Variants in ERGIC1 observed in about 807,000 individuals in gnomAD.
ERGIC1 encodes endoplasmic reticulum-Golgi intermediate compartment protein 1.
Under a neutral mutation model 38.3 loss-of-function variants are expected in ERGIC1, and 19 were observed. The observed-to-expected ratio is 0.50, with a 90% CI of 0.35 to 0.73. The LOEUF is 0.73. Ranked by LOEUF, ERGIC1 falls within the 30% of genes least tolerant of loss-of-function variation. The pLI, the probability that ERGIC1 is intolerant of heterozygous loss-of-function variation, is 0.01. For synonymous variants in ERGIC1, 124 were observed against 157.6 expected (o/e 0.79, Z 1.60); for missense variants, 294 against 389.2 (o/e 0.76, Z 2.06).
At chr5:172,835,884 A>G (rs1359323618) in intron 1 of ERGIC1, among the ~76,000 whole-genome samples, 1 of 152,208 alleles carries the variant, frequency 6.6e-6, no homozygotes, top group Non-Finnish European at 1.5e-5. Flanking sequence ...GGTGGAATTC[A>G]AGGTCAGTCC....
In ERGIC1 at chr5:172,952,224, T is replaced by C. The variant is rs1182351982; in HGVS notation, c.*1408T>C. 1 of 152,230 alleles carries C rather than the reference T, an allele frequency of 6.6e-6. No homozygotes were observed. The highest frequency in any genetic ancestry group is 2.4e-5 in the African/African-American group (1 of 41,466). 9.4% of individuals were successfully genotyped at this position (152,230 alleles called of 1,614,324 possible). ...GTGTCCAGTGGAAGGATTTTTAAAA[T>C]TATCTTATGGATAGCTCAAGTCTCT... On this transcript the variant is annotated 3_prime_UTR_variant, in exon 10 of 10. Transcript: ENST00000393784.
rs1398482784 is a variant in ERGIC1 at position 172,914,809 on chromosome 5, C to T, written c.346C>T (p.Arg116Cys). Residue 116 changes from arginine (R) to cysteine (C), a missense_variant, in exon 5 of 10, where the codon CGC becomes TGC. By Grantham distance (180) the Arg-to-Cys change is radical. This residue lies in a region of ERGIC1 where 163 missense variants were observed against 225.8 expected (regional missense o/e 0.72). Transcript: ENST00000393784. ...KIPLNNGAGC[R>C]FEGQFSINKV... ...CCCGCTGAACAATGGGGCAGGCTGC[C>T]GCTTCGAGGGGCAGTTCAGCATCAA... The T allele has an allele frequency of 6.2e-6, 10 of 1,614,082 alleles. No individual in the cohort carries two copies. The highest frequency in any genetic ancestry group is 5.5e-5 in the South Asian group (5 of 91,090).
intron 3 of ERGIC1, among the ~76,000 whole-genome samples, chr5:172,902,949 T>C (rs1762921780): frequency 6.6e-6 from 1 of 151,966 alleles, no homozygotes; most frequent in Non-Finnish European, 1.5e-5. Context: ...TTCAAGGCCC[T>C]CCACCACATT....
intron 5 of ERGIC1, chr5:172,917,596 A>G (rs1763402875): frequency 6.6e-6 from 1 of 152,148 alleles, no homozygotes; most frequent in African/African-American, 2.4e-5. Flanking sequence ...GAGGCTGTAG[A>G]TCCGTGTTCT....
intron 9 of ERGIC1, among the ~76,000 whole-genome samples, chr5:172,950,131 TG>T (rs1414555613): frequency 6.6e-6 from 1 of 152,242 alleles, no homozygotes; most frequent in African/African-American, 2.4e-5. Flanking sequence ...CTCTGTCCTT[TG>T]TAGCACTTGC....
chr5:172,866,455 G>C (rs143914049), intron 1 of ERGIC1, among the ~76,000 whole-genome samples: 2 of 152,186 alleles, frequency 1.3e-5, no homozygotes, highest in Non-Finnish European at 2.9e-5. Flanking sequence ...AGGGATTTGT[G>C]GGGGAGAAGG....
intron 1 of ERGIC1, among the ~76,000 whole-genome samples, chr5:172,841,544 C>A (rs1761161321): frequency 6.6e-6 from 1 of 152,172 alleles, no homozygotes; most frequent in South Asian, 2.1e-4. Flanking sequence ...AGGTGGAAAC[C>A]CTATTCGAGA....
At chr5:172,902,139 T>A (rs899323450) in intron 3 of ERGIC1, among the ~76,000 whole-genome samples, 2 of 151,960 alleles carry the variant, frequency 1.3e-5, no homozygotes, top group Non-Finnish European at 2.9e-5. Context: ...CCCAGGCTCA[T>A]GGGAGCCACT....
intron 3 of ERGIC1, among the ~76,000 whole-genome samples, chr5:172,899,311 C>CTTTTTTT (rs34478179): frequency 1.2e-5 from 1 of 82,854 alleles, no homozygotes. Flanking sequence ...GGAGTTACTT[C>CTTTTTTT]TTTTTTTTTT....
chr5:172,908,427 A>G (rs926898455), intron 3 of ERGIC1, among the ~76,000 whole-genome samples: 1 of 147,940 alleles, frequency 6.8e-6, no homozygotes, highest in Non-Finnish European at 1.5e-5. Context: ...AAATACAAAA[A>G]TTAGCTGGAG....
At chr5:172,943,326 A>G (rs1460435550) in intron 9 of ERGIC1, among the ~76,000 whole-genome samples, 1 of 151,710 alleles carries the variant, frequency 6.6e-6, no homozygotes, top group African/African-American at 2.4e-5. Context: ...AAGGCCTGAT[A>G]CCACACGCTC....
chr5:172,940,826 C>T (rs1181758689), intron 9 of ERGIC1, among the ~76,000 whole-genome samples: 1 of 152,216 alleles, frequency 6.6e-6, no homozygotes, highest in Admixed American at 6.5e-5. Flanking sequence ...TGCTTTCTAA[C>T]CTGGGGACTA....
intron 3 of ERGIC1, chr5:172,898,094 G>A (rs1199980562): frequency 2.6e-6 from 1 of 391,020 alleles, no homozygotes; most frequent in Non-Finnish European, 4.5e-6. Flanking sequence ...TTACAGCCCG[G>A]AAAGTCATCA....
At chr5:172,886,270 C>T (rs190787586) in intron 1 of ERGIC1, among the ~76,000 whole-genome samples, 30 of 152,240 alleles carry the variant, frequency 2.0e-4, no homozygotes, top group Non-Finnish European at 2.9e-4. Context: ...GCCCAGCTTC[C>T]CAGATTCGGT....
chr5:172,893,669 G>C (rs1374819517), intron 2 of ERGIC1, among the ~76,000 whole-genome samples: 2 of 151,586 alleles, frequency 1.3e-5, no homozygotes, highest in Non-Finnish European at 2.9e-5. Flanking sequence ...AGGAAATTTG[G>C]ATTGATAGCT....
At chr5:172,859,021 A>T (rs1761629171) in intron 1 of ERGIC1, among the ~76,000 whole-genome samples, 1 of 152,118 alleles carries the variant, frequency 6.6e-6, no homozygotes. Context: ...ACTTACCTTC[A>T]TAGCTTCCTG....
At chr5:172,885,569 G>A (rs1762396975) in intron 1 of ERGIC1, among the ~76,000 whole-genome samples, 1 of 152,130 alleles carries the variant, frequency 6.6e-6, no homozygotes, top group African/African-American at 2.4e-5. Flanking sequence ...AATCTGCATG[G>A]GAACTTTTAG....
chr5:172,908,355 G>GGGGGGC (rs1438395126), intron 3 of ERGIC1, among the ~76,000 whole-genome samples: 2 of 63,946 alleles, frequency 3.1e-5, no homozygotes, highest in African/African-American at 1.4e-4. Flanking sequence ...GGGGGGGGTG[G>GGGGGGC]ATCATGAGGT....
Position 172,926,934 on chromosome 5 carries a change from C to T in ERGIC1, c.541+365C>T, listed in dbSNP as rs896721982. The T allele has an allele frequency of 4.3e-5, 11 of 254,008 alleles. No homozygotes were observed. Among genetic ancestry groups the T allele is most frequent in the Admixed American group, 4.9e-5 (1 of 20,402 alleles). 15.7% of individuals were successfully genotyped at this position (254,008 alleles called of 1,614,324 possible). A position where few individuals can be genotyped will look rare whatever the true frequency, so the allele number is the denominator to read the frequency against. ...ACCAGGATCTGTTCTGCCTCCAGGT[C>T]GCACCGTGAGAACAGGTCTGTGGGT... is the stretch of plus-strand genomic sequence containing the variant. On this transcript the variant is annotated intron_variant, in intron 7 of 9. Transcript: ENST00000393784. This position sits in a 1 kb window ranked among gnomAD's most constrained non-coding sequence, Gnocchi z 5.2.
Sources: allele counts gnomAD v4.1 joint callset (sites outside exome capture counted in the v4.1 genomes callset), GRCh38; gene constraint gnomAD v4.1.1; regional missense constraint gnomAD v4.1.1; non-coding constraint Gnocchi (gnomAD v3.1); transcripts MANE v1.5; gene names NCBI Gene and HGNC (gene_info 2026-07-23, HGNC 2026-07-21).